The following GON4L variants were observed in gnomAD, a reference collection of about 807,000 sequenced individuals.
GON4L encodes gon-4 like, also known as GON-4-like protein.
A neutral mutation model predicts 211.8 loss-of-function variants in GON4L; 87 were observed. The ratio of observed to expected loss-of-function variants is 0.41; its 90% CI spans 0.35 to 0.49. The LOEUF (loss-of-function observed/expected upper bound fraction) is 0.49. Among genes scored for constraint, GON4L ranks in the 20% least tolerant of loss-of-function variants. GON4L has a pLI of 0.15. For missense variants in GON4L, 2,155 were observed against 2,659.5 expected (o/e 0.81, Z 4.17); for synonymous variants, 875 against 962.6 (o/e 0.91, Z 1.68).
chr1:155,814,256 T>C, intron 9 of GON4L, 74 bp downstream of exon 9: 2 of 1,357,424 alleles, frequency 1.5e-6, no homozygotes, highest in Non-Finnish European at 2.1e-6. Context: ...CATGGATAAA[T>C]AATCTACTTA....
chr1:155,791,507 C>T (rs1553205589), intron 12 of GON4L, among the ~76,000 whole-genome samples: 1 of 148,826 alleles, frequency 6.7e-6, no homozygotes, highest in African/African-American at 2.5e-5. Flanking sequence ...AAAAAAAAAA[C>T]TTAAGAAACA....
intron 2 of GON4L, among the ~76,000 whole-genome samples, chr1:155,852,845 G>C (rs1671933648): frequency 6.6e-6 from 1 of 152,040 alleles, no homozygotes; most frequent in African/African-American, 2.4e-5. Flanking sequence ...AGGCACGGTG[G>C]CTCACACCTG....
At chr1:155,830,371 G>C (rs978214646) in intron 2 of GON4L, among the ~76,000 whole-genome samples, 1 of 150,182 alleles carries the variant, frequency 6.7e-6, no homozygotes, top group African/African-American at 2.5e-5. Flanking sequence ...TCCGCCTCCC[G>C]GGTTCAAGAG....
At chr1:155,754,651 T>G (rs976900585) in intron 27 of GON4L, among the ~76,000 whole-genome samples, 163 bp from the exon 28 acceptor site, 2 of 150,658 alleles carry the variant, frequency 1.3e-5, no homozygotes. Flanking sequence ...TGCCTCAGGC[T>G]CCTGAGTAAC....
rs528161650 is a variant in GON4L, at chr1:155,790,875, C to T, written c.1747+4175G>A. Among the ~76,000 whole-genome samples, 9 of 151,076 alleles carry T rather than the reference C, an allele frequency of 6.0e-5. No individual in the cohort carries two copies. In the East Asian group the frequency reaches 1.4e-3, roughly 23 times the overall value. ...AGGAGATTCACTTGAACCAGGGAGTCGGAGGTTGCAGTGAGCTGAGATGGC... is the reference window on the plus strand; with the variant it reads ...AGGAGATTCACTTGAACCAGGGAGTTGGAGGTTGCAGTGAGCTGAGATGGC... On this transcript the variant is annotated intron_variant, in intron 12 of 31. Coordinates refer to ENST00000368331, the MANE Select transcript of GON4L (RefSeq NM_001282860.2).
rs552050281 is a variant in GON4L at position 155,759,750 on chromosome 1, G to A, written c.5109+694C>T. Among the ~76,000 whole-genome samples, 7 of 151,600 alleles carry A rather than the reference G, an allele frequency of 4.6e-5. No homozygotes were observed. In the South Asian group the frequency reaches 1.5e-3, roughly 32 times the overall value. ...TTTGTTCCTATTTTTATGACGATAA[G>A]TCCAGGACTACTGGGATATCCCTCA... On this transcript the variant is annotated intron_variant, in intron 24 of 31. Transcript: ENST00000368331.
At chr1:155,761,415 C>A (rs1661787364) in intron 23 of GON4L, among the ~76,000 whole-genome samples, 1 of 151,562 alleles carries the variant, frequency 6.6e-6, no homozygotes, top group African/African-American at 2.4e-5. Context: ...TTGTCTTGAA[C>A]TCCTGGACTC....
At chr1:155,764,956 T>C (rs1329918458) in intron 21 of GON4L, 44 bp downstream of exon 21, 3 of 1,614,036 alleles carry the variant, frequency 1.9e-6, no homozygotes, top group East Asian at 2.2e-5. Context: ...GTGATACATA[T>C]TACTGAGTCC....
At chr1:155,831,162 G>A (rs1180184832) in intron 2 of GON4L, among the ~76,000 whole-genome samples, 1 of 152,100 alleles carries the variant, frequency 6.6e-6, no homozygotes, top group Non-Finnish European at 1.5e-5. Context: ...AGCCAGGCAT[G>A]GTGGTGCACA....
In GON4L at chr1:155,773,130, G is replaced by A; in HGVS notation, c.2431C>T (p.Pro811Ser). Reference sequence around the variant, plus strand: ...TTCTTTGCCTTCAGGGAACACACTGGAAGTAACTCTGGATACATGAAAACC... The same window carrying A: ...TTCTTTGCCTTCAGGGAACACACTGAAAGTAACTCTGGATACATGAAAACC... The part of the protein sequence containing the change: ...SKVFMYPELL[P>S]VCSLKAKNPQ... The change falls in exon 18 of 32, where the codon CCA (proline) becomes TCA (serine). Residue 811 changes from proline to serine, a missense_variant. Around this residue, in one of 6 missense-constraint regions of GON4L, gnomAD observed 551 missense variants for 854.0 expected, o/e 0.65. Transcript: ENST00000368331. 1 of 1,613,592 alleles carries A rather than the reference G, an allele frequency of 6.2e-7. No individual in the cohort carries two copies. Among genetic ancestry groups the A allele is most frequent in the Non-Finnish European group, 8.5e-7 (1 of 1,179,954 alleles).
In GON4L at chr1:155,765,205, C is replaced by T. The variant is rs777779251; in HGVS notation, c.4268G>A (p.Arg1423Lys). 5 of 1,614,086 alleles carry T rather than the reference C, an allele frequency of 3.1e-6. No individual in the cohort carries two copies. The South Asian group carries it at 5.5e-5, about 18-fold the overall frequency. Reference sequence around the variant, plus strand: ...TGGCTTCCCTGGGGGGCTACTAAGCCTCACTTCAGGATCCATTGAGGACAA... The same window carrying T: ...TGGCTTCCCTGGGGGGCTACTAAGCTTCACTTCAGGATCCATTGAGGACAA... ...NALSSMDPEVRLSSPPGKPED... is the reference protein window; with the variant it reads ...NALSSMDPEVKLSSPPGKPED... Residue 1423 changes from arginine (R) to lysine (K), a missense_variant, in exon 21 of 32, where the codon AGG becomes AAG. By Grantham distance (26) the Arg-to-Lys change is conservative. Coordinates refer to ENST00000368331, the MANE Select transcript of GON4L (RefSeq NM_001282860.2).
At chr1:155,781,344 C>T (rs1231494733) in intron 14 of GON4L, among the ~76,000 whole-genome samples, 1 of 151,908 alleles carries the variant, frequency 6.6e-6, no homozygotes, top group Non-Finnish European at 1.5e-5. Flanking sequence ...CAAGGTTTCG[C>T]CATGTTGGCC....
intron 2 of GON4L, among the ~76,000 whole-genome samples, chr1:155,840,939 G>A (rs1198434730): frequency 6.6e-6 from 1 of 152,186 alleles, no homozygotes; most frequent in Admixed American, 6.5e-5. Context: ...GGAGGCTGAG[G>A]CAGGGGAATC....
At chr1:155,817,645 G>A (rs1668363148) in intron 6 of GON4L, among the ~76,000 whole-genome samples, 3 of 152,194 alleles carry the variant, frequency 2.0e-5, no homozygotes, top group Admixed American at 6.5e-5. Context: ...CAAGTATAGC[G>A]GCTCATGCCT....
At chr1:155,832,686 T>C (rs577971648) in intron 2 of GON4L, 1 of 152,296 alleles carries the variant, frequency 6.6e-6, no homozygotes, top group South Asian at 2.1e-4. Flanking sequence ...AAGGTATCAA[T>C]TGTAACAAAA....
intron 24 of GON4L, 63 bp downstream of exon 24, chr1:155,760,381 A>T: frequency 9.8e-7 from 1 of 1,020,556 alleles, no homozygotes. Flanking sequence ...ATTCAACCCC[A>T]TTCAATCCCA....
intron 2 of GON4L, among the ~76,000 whole-genome samples, chr1:155,831,068 G>T (rs1467721958): frequency 6.6e-6 from 1 of 152,170 alleles, no homozygotes; most frequent in African/African-American, 2.4e-5. Flanking sequence ...GGAGGCTGAG[G>T]TGGACAGGTC....
intron 2 of GON4L, among the ~76,000 whole-genome samples, chr1:155,850,455 G>C (rs1671669648): frequency 6.6e-6 from 1 of 152,206 alleles, no homozygotes; most frequent in Non-Finnish European, 1.5e-5. Context: ...GCTATGACAA[G>C]GGATGATTCC....
chr1:155,824,828 G>A (rs1234406862), intron 3 of GON4L, among the ~76,000 whole-genome samples: 1 of 146,624 alleles, frequency 6.8e-6, no homozygotes, highest in African/African-American at 2.5e-5. Context: ...GAAGCAAAAA[G>A]AAAAAACAAA....
Sources: allele counts gnomAD v4.1 joint callset (sites outside exome capture counted in the v4.1 genomes callset), GRCh38; gene constraint gnomAD v4.1.1; regional missense constraint gnomAD v4.1.1; transcripts MANE v1.5; gene names NCBI Gene and HGNC (gene_info 2026-07-23, HGNC 2026-07-21).